Variants in CAPZA1 observed in about 807,000 individuals in gnomAD.
The protein encoded by CAPZA1 is capping actin protein of muscle Z-line subunit alpha 1.
A neutral mutation model predicts 40.8 loss-of-function variants in CAPZA1; 10 were observed. The observed-to-expected ratio is 0.25, with a 90% CI of 0.15 to 0.42. The LOEUF is 0.42. CAPZA1 is among the 10% of genes least tolerant of loss of function. The pLI is 1.00. For missense variants in CAPZA1, 277 were observed against 353.8 expected (o/e 0.78, Z 1.74); for synonymous variants, 98 against 115.0 (o/e 0.85, Z 0.95).
intron 5 of CAPZA1, among the ~76,000 whole-genome samples, chr1:112,658,145 T>C (rs913270886): frequency 2.0e-5 from 3 of 152,226 alleles, no homozygotes; most frequent in Non-Finnish European, 1.5e-5. Context: ...AGAAAATACA[T>C]GTAAGAACAT....
intron 5 of CAPZA1, among the ~76,000 whole-genome samples, chr1:112,657,417 T>C (rs1671519861): frequency 6.6e-6 from 1 of 152,170 alleles, no homozygotes; most frequent in Admixed American, 6.6e-5. Flanking sequence ...AACCCTTTAA[T>C]TTTTTACTTT....
At chr1:112,660,135 GT>G (rs1331159943) in intron 7 of CAPZA1, among the ~76,000 whole-genome samples, 2 of 151,936 alleles carry the variant, frequency 1.3e-5, no homozygotes, top group Non-Finnish European at 2.9e-5. Context: ...CTGGAGTGCA[GT>G]GACGTGATCT....
intron 7 of CAPZA1, among the ~76,000 whole-genome samples, chr1:112,663,021 G>C (rs1187281420): frequency 1.3e-5 from 2 of 152,112 alleles, no homozygotes; most frequent in Non-Finnish European, 2.9e-5. Flanking sequence ...CTGGAGTGCA[G>C]TGACACGACC....
rs1448753037 is a variant in CAPZA1, at chr1:112,659,740, A to T, written c.546A>T (p.Thr182=). 3 of 1,613,706 alleles carry T rather than the reference A, an allele frequency of 1.9e-6. No individual in the cohort carries two copies. The highest frequency in any genetic ancestry group is 2.5e-6 in the Non-Finnish European group (3 of 1,179,958). ...RWRSEWKFTI[T]PPTAQVVGVL... ...GATCAGAGTGGAAGTTCACCATCAC[A>T]CCACCTACAGCCCAGGTGGTTGGCG... The change falls in exon 7 of 10, where the codon ACA becomes ACT. Residue 182 remains threonine (T), a synonymous_variant. Coordinates refer to ENST00000263168, the MANE Select transcript of CAPZA1 (RefSeq NM_006135.3).
At chr1:112,665,594 G>A (rs1671709528) in intron 7 of CAPZA1, among the ~76,000 whole-genome samples, 1 of 152,164 alleles carries the variant, frequency 6.6e-6, no homozygotes, top group African/African-American at 2.4e-5. Context: ...TCAAGGTGCT[G>A]TTAGATTCAG....
At chr1:112,659,287 CTTATT>C in intron 6 of CAPZA1, 186 bp downstream of exon 6, 1 of 578,072 alleles carries the variant, frequency 1.7e-6, no homozygotes, top group Admixed American at 3.0e-5. Flanking sequence ...AAAAGTTACT[CTTATT>C]TTGAGTGAGA....
intron 5 of CAPZA1, among the ~76,000 whole-genome samples, chr1:112,656,440 A>ATTTTT (rs56343358): frequency 0.099 from 4,528 of 45,718 alleles, 1,517 homozygotes; most frequent in African/African-American, 0.17. Flanking sequence ...ATTATGTTTG[A>ATTTTT]TTTTTTTTTT....
chr1:112,651,255 G>C (rs1487805603), intron 3 of CAPZA1, among the ~76,000 whole-genome samples: 1 of 152,218 alleles, frequency 6.6e-6, no homozygotes, highest in East Asian at 1.9e-4. Context: ...TTATGTTAAA[G>C]AGTGAATTTC....
chr1:112,639,713 A>G (rs1387139123), intron 1 of CAPZA1, among the ~76,000 whole-genome samples: 1 of 151,988 alleles, frequency 6.6e-6, no homozygotes, highest in Non-Finnish European at 1.5e-5. Flanking sequence ...AAAAAAAATT[A>G]AAGGATGAGG....
At position 112,654,661 on chromosome 1, in the gene CAPZA1, G is replaced by T. The variant is rs369872545; in HGVS notation, c.416G>T (p.Gly139Val). 9 of 1,605,796 alleles carry T rather than the reference G, an allele frequency of 5.6e-6. No individual in the cohort carries two copies. In the African/African-American group the frequency reaches 1.1e-4, roughly 19 times the overall value. ...TATGTGAAAGACCATTATTCCAACG[G>T]CTTCTGTACTGTTAAGTATCTGACT... Reference protein sequence around the residue: ...RAYVKDHYSNGFCTVYAKTID... With the variant: ...RAYVKDHYSNVFCTVYAKTID... The change falls in exon 5 of 10, where the codon GGC becomes GTC. Residue 139 changes from glycine to valine, a missense_variant. By Grantham distance (109) the Gly-to-Val change is moderately radical. Transcript: ENST00000263168.
intron 1 of CAPZA1, among the ~76,000 whole-genome samples, chr1:112,635,983 C>G (rs1358905729): frequency 6.6e-6 from 1 of 152,098 alleles, no homozygotes; most frequent in East Asian, 1.9e-4. Context: ...GAGCTGAGAT[C>G]GCGCCACTGC....
intron 3 of CAPZA1, chr1:112,649,757 G>A (rs1174994747): frequency 2.5e-6 from 1 of 403,200 alleles, no homozygotes; most frequent in Admixed American, 4.6e-5. Flanking sequence ...AGTTGTTCTA[G>A]TTCGTGTTGA....
chr1:112,651,930 A>G (rs1380307549), intron 3 of CAPZA1, among the ~76,000 whole-genome samples: 2 of 151,684 alleles, frequency 1.3e-5, no homozygotes, highest in Non-Finnish European at 2.9e-5. Flanking sequence ...AGCCTGGCCA[A>G]CATGGTGAGA....
At chr1:112,668,110 C>T (rs918429954) in intron 8 of CAPZA1, among the ~76,000 whole-genome samples, 2 of 151,764 alleles carry the variant, frequency 1.3e-5, no homozygotes, top group Non-Finnish European at 2.9e-5. Flanking sequence ...CACGGTGAAA[C>T]CCTGTCTCTA....
rs1670544231 is a variant in CAPZA1 at position 112,619,897 on chromosome 1, C to T, written c.39+14C>T. 6.2e-7 allele frequency: 1 copy of T among 1,600,384 alleles called. No individual in the cohort carries two copies. The highest frequency in any genetic ancestry group is 1.3e-5 in the African/African-American group (1 of 74,740). On this transcript the variant is annotated intron_variant, in intron 1 of 9. Coordinates refer to ENST00000263168, the MANE Select transcript of CAPZA1 (RefSeq NM_006135.3). ...GATGAGGAGAAGGTAAGGGGTCCGC[C>T]TCTCTCTCTTACCTCCTCCCCCGAC...
At chr1:112,639,741 T>A (rs1050980597) in intron 1 of CAPZA1, among the ~76,000 whole-genome samples, 11 of 151,592 alleles carry the variant, frequency 7.3e-5, no homozygotes, top group African/African-American at 2.7e-4. Flanking sequence ...ACATGCTCCT[T>A]TTTTTATTAA....
chr1:112,646,238 G>A (rs983731440), intron 1 of CAPZA1, among the ~76,000 whole-genome samples: 1 of 152,190 alleles, frequency 6.6e-6, no homozygotes, highest in African/African-American at 2.4e-5. Flanking sequence ...CTCTAATACA[G>A]TGGTGAATAG....
At chr1:112,645,732 A>C (rs1201490831) in intron 1 of CAPZA1, among the ~76,000 whole-genome samples, 2 of 108,936 alleles carry the variant, frequency 1.8e-5, no homozygotes, top group Non-Finnish European at 3.6e-5. Flanking sequence ...CATACTTGCC[A>C]GTGCAAAAAA....
chr1:112,638,998 T>C (rs1671082912), intron 1 of CAPZA1, among the ~76,000 whole-genome samples: 2 of 144,672 alleles, frequency 1.4e-5, no homozygotes, highest in Admixed American at 1.4e-4. Context: ...TATATAATTA[T>C]ATATTATATA....
Sources: gnomAD v4.1 joint callset for allele counts (sites outside exome capture counted in the v4.1 genomes callset) on GRCh38, gnomAD v4.1.1 for gene constraint, MANE v1.5 for transcripts, NCBI Gene and HGNC (gene_info 2026-07-23, HGNC 2026-07-21) for gene names.